The following NLGN4X variants were observed in gnomAD, a reference collection of about 807,000 sequenced individuals.
NLGN4X encodes neuroligin-4, X-linked.
In NLGN4X, 3 loss-of-function variants were observed where a neutral mutation model predicts 40.3. The ratio of observed to expected loss-of-function variants is 0.07; its 90% confidence interval spans 0.03 to 0.19. NLGN4X has a LOEUF of 0.19. NLGN4X is among the 10% of genes least tolerant of loss of function. The pLI is 1.00. For synonymous variants in NLGN4X, 270 were observed against 306.8 expected (o/e 0.88, Z 1.25); for missense variants, 382 against 708.3 (o/e 0.54, Z 5.23).
chrX:5,973,492 A>G lies in NLGN4X; in HGVS notation c.625+55788T>C, dbSNP rs190293181. ...AAATTGTTTAGTCCTCTAAAACTCA[A>G]TAACATCTATATACATTTAAAATAG... On this transcript the variant is annotated intron_variant, in intron 3 of 5. Transcript: ENST00000381095. 1.8e-3 allele frequency among the ~76,000 whole-genome samples: 203 copies of G among 112,381 alleles called. 2 individuals carry two copies. The highest frequency in any genetic ancestry group is 0.013 in the East Asian group (47 of 3,560).
intron 3 of NLGN4X, among the ~76,000 whole-genome samples, chrX:5,910,767 T>C (rs1448335951): frequency 9.0e-6 from 1 of 111,076 alleles, no homozygotes; most frequent in Non-Finnish European, 1.9e-5. Flanking sequence ...ACAATGACAA[T>C]AAAAACTCCA....
At chrX:5,950,101 C>T (rs934899633) in intron 3 of NLGN4X, among the ~76,000 whole-genome samples, 1 of 111,442 alleles carries the variant, frequency 9.0e-6, no homozygotes, top group Non-Finnish European at 1.9e-5. Context: ...AATCAATGCC[C>T]GGAAATCAAT....
At chrX:6,119,175 A>G (rs1228113214) in intron 2 of NLGN4X, among the ~76,000 whole-genome samples, 1 of 112,101 alleles carries the variant, frequency 8.9e-6, no homozygotes, top group African/African-American at 3.2e-5. Flanking sequence ...AGCACCTAGA[A>G]AAGTGCCCAG....
chrX:6,003,884 G>A (rs2036035283), intron 3 of NLGN4X, among the ~76,000 whole-genome samples: 1 of 110,799 alleles, frequency 9.0e-6, no homozygotes, highest in South Asian at 3.8e-4. Context: ...TGCTGCCGTG[G>A]GGCTGGTATG....
At chrX:6,100,518 A>G (rs1227606346) in intron 2 of NLGN4X, among the ~76,000 whole-genome samples, 1 of 112,534 alleles carries the variant, frequency 8.9e-6, no homozygotes, top group Non-Finnish European at 1.9e-5. Context: ...GTTGGAAAAT[A>G]CAAGATAACA....
chrX:5,922,862 CAAAT>C lies in NLGN4X; in HGVS notation c.626-13627_626-13624del, dbSNP rs991495568. Among the ~76,000 whole-genome samples the C allele has an allele frequency of 9.2e-5, 10 of 109,134 alleles. No individual in the cohort carries two copies. The South Asian group carries it at 2.4e-3, about 26-fold the overall frequency. The allele number at this position is 109,134 out of a possible 115,157, so 94.8% of individuals were successfully genotyped here. ...TGGGCGACAGAGGGAGGCACCATCTCAAATAAATAAATAAATAAAATAAAAAAAT... is the reference window on the plus strand; with the variant it reads ...TGGGCGACAGAGGGAGGCACCATCTCAAATAAATAAATAAAATAAAAAAAT... On this transcript the variant is annotated intron_variant, in intron 3 of 5. Coordinates refer to ENST00000381095, the MANE Select transcript of NLGN4X (RefSeq NM_181332.3).
intron 4 of NLGN4X, among the ~76,000 whole-genome samples, chrX:5,905,192 A>G (rs1202082032): frequency 3.6e-5 from 4 of 111,812 alleles, no homozygotes; most frequent in Non-Finnish European, 7.5e-5. Context: ...TCTCATAAGT[A>G]CTGGCAATAA....
At chrX:6,161,946 T>TAAACTATTA (rs2040410289) in intron 1 of NLGN4X, among the ~76,000 whole-genome samples, 1 of 111,952 alleles carries the variant, frequency 8.9e-6, no homozygotes, top group Admixed American at 9.5e-5. Context: ...AGTGAAATAT[T>TAAACTATTA]AAACTATTAA....
intron 3 of NLGN4X, among the ~76,000 whole-genome samples, chrX:5,971,616 A>T (rs1449856266): frequency 8.9e-6 from 1 of 111,742 alleles, no homozygotes; most frequent in Non-Finnish European, 1.9e-5. Context: ...TCTTATCAGT[A>T]ACAATTTCCT....
chrX:6,095,376 T>A (rs2038746871), intron 2 of NLGN4X, among the ~76,000 whole-genome samples: 1 of 111,708 alleles, frequency 9.0e-6, no homozygotes, highest in African/African-American at 3.3e-5. Context: ...CTTGTAAAAC[T>A]CATAAGCTGC....
intron 3 of NLGN4X, among the ~76,000 whole-genome samples, chrX:5,943,085 G>C (rs760086102): frequency 2.7e-5 from 3 of 111,490 alleles, no homozygotes; most frequent in Non-Finnish European, 3.8e-5. Context: ...GGAACAATCA[G>C]TCCAGACAAG....
intron 3 of NLGN4X, among the ~76,000 whole-genome samples, chrX:5,978,329 TTTCTTTCTTTC>T (rs2147053292): frequency 1.2e-4 from 2 of 17,231 alleles, no homozygotes; most frequent in Admixed American, 1.3e-3. Context: ...TCTTTCTTTC[TTTCTTTCTTTC>T]TTTCCCTTCC....
chrX:6,051,362 C>A (rs1381380048), intron 2 of NLGN4X, among the ~76,000 whole-genome samples: 1 of 111,787 alleles, frequency 8.9e-6, no homozygotes, highest in Non-Finnish European at 1.9e-5. Context: ...AAAGGTACTA[C>A]TGCAGGGTCT....
intron 1 of NLGN4X, among the ~76,000 whole-genome samples, chrX:6,158,498 G>A (rs181667345): frequency 1.8e-5 from 2 of 111,833 alleles, no homozygotes; most frequent in East Asian, 2.8e-4. Context: ...TTCATTATTG[G>A]TGAAATGCAG....
At chrX:6,133,696 C>G (rs1203613410) in intron 2 of NLGN4X, among the ~76,000 whole-genome samples, 1 of 111,219 alleles carries the variant, frequency 9.0e-6, no homozygotes, top group Non-Finnish European at 1.9e-5. Flanking sequence ...TGGATGGAGC[C>G]CAGGAATCTG....
chrX:5,944,048 G>C (rs1419244610), intron 3 of NLGN4X, among the ~76,000 whole-genome samples: 1 of 112,144 alleles, frequency 8.9e-6, no homozygotes, highest in African/African-American at 3.2e-5. Context: ...AACAAGGGTA[G>C]CTCAGATTAC....
rs371144263 is a variant in NLGN4X, at chrX:5,975,172, T to C, written c.625+54108A>G. Among the ~76,000 whole-genome samples the C allele has an allele frequency of 5.3e-5, 6 of 112,232 alleles. No homozygotes were observed. In the East Asian group the frequency reaches 1.7e-3, roughly 31 times the overall value. On this transcript the variant is annotated intron_variant, in intron 3 of 5. Transcript: ENST00000381095. ...CAGACCATGGTTGACCGTAGATAAC[T>C]GAAACTGCAGAAAGTATAACTGAGG...
intron 3 of NLGN4X, among the ~76,000 whole-genome samples, chrX:6,001,883 T>C (rs939745173): frequency 1.8e-5 from 2 of 112,056 alleles, no homozygotes; most frequent in African/African-American, 6.5e-5. Flanking sequence ...TTGTTGTTGT[T>C]GTGTTTTAAT....
chrX:6,182,770 G>A (rs1259058495), intron 1 of NLGN4X, among the ~76,000 whole-genome samples: 3 of 111,555 alleles, frequency 2.7e-5, no homozygotes, highest in East Asian at 2.9e-4. Context: ...GGGGGAAAAC[G>A]ACAAGGAGAA....
Sources: allele counts gnomAD v4.1 joint callset (sites outside exome capture counted in the v4.1 genomes callset), GRCh38; gene constraint gnomAD v4.1.1; transcripts MANE v1.5; gene names NCBI Gene and HGNC (gene_info 2026-07-23, HGNC 2026-07-21).